Variants in DLGAP5 observed in about 807,000 individuals in gnomAD.
The protein encoded by DLGAP5 is disks large-associated protein 5.
DLGAP5 carries 90 observed loss-of-function variants against 99.6 expected under a neutral mutation model. That is an observed-to-expected ratio of 0.90 (90% CI 0.76 to 1.08). The LOEUF is 1.08. DLGAP5 is among the 50% of genes least tolerant of loss of function. DLGAP5 has a pLI of 0.00. For synonymous variants in DLGAP5, 311 were observed against 321.3 expected (o/e 0.97, Z 0.34); for missense variants, 1,036 against 983.5 (o/e 1.05, Z -0.71).
intron 12 of DLGAP5, among the ~76,000 whole-genome samples, chr14:55,163,968 T>C (rs1302765107): frequency 6.6e-6 from 1 of 152,220 alleles, no homozygotes; most frequent in Non-Finnish European, 1.5e-5. Flanking sequence ...TCTCCGAATC[T>C]GTGCCTTGTC....
In DLGAP5 at chr14:55,179,714, A is replaced by C; in HGVS notation, c.704-15T>G. The C allele has an allele frequency of 6.3e-7, 1 of 1,598,318 alleles. No individual in the cohort carries two copies. On this transcript the variant is annotated splice_polypyrimidine_tract_variant and intron_variant, in intron 6 of 18. Transcript: ENST00000247191. ...TGGTTCGTTTTCTAAAACAACAATA[A>C]AATATTTATTTTACTAGATAGAAAT...
chr14:55,168,752 C>T (rs959779954), intron 12 of DLGAP5, among the ~76,000 whole-genome samples: 6 of 152,114 alleles, frequency 3.9e-5, no homozygotes, highest in African/African-American at 9.7e-5. Flanking sequence ...TAATACAATA[C>T]GGGCACACAA....
intron 9 of DLGAP5, 144 bp downstream of exon 9, chr14:55,175,750 A>C (rs1477849024): frequency 1.4e-6 from 1 of 723,526 alleles, no homozygotes; most frequent in Non-Finnish European, 2.1e-6. Context: ...TCACATCCCC[A>C]AATGATATGG....
chr14:55,162,938 A>G (rs1882499688), intron 13 of DLGAP5, 33 bp downstream of exon 13: 1 of 1,341,384 alleles, frequency 7.5e-7, no homozygotes, highest in Non-Finnish European at 1.0e-6. Context: ...TAACTAAAAA[A>G]AAAAAAATTG....
In DLGAP5 at chr14:55,177,163, T is replaced by C. The variant is rs755280026; in HGVS notation, c.948A>G (p.Pro316=). ...SFAPKDFMFQ[P]LDGLKTYQVT... ...CTTGATAGGTCTTCAGACCATCCAG[T>C]GGCTGAAACATAAAATCCTTAGGTG... The change falls in exon 8 of 19, where the codon CCA becomes CCG. Residue 316 remains proline (P), a synonymous_variant. Transcript: ENST00000247191. The C allele has an allele frequency of 1.2e-6, 2 of 1,612,048 alleles. No homozygotes were observed. The highest frequency in any genetic ancestry group is 8.5e-7 in the Non-Finnish European group (1 of 1,179,282).
chr14:55,157,412 C>T (rs931580299), intron 14 of DLGAP5, among the ~76,000 whole-genome samples: 4 of 152,036 alleles, frequency 2.6e-5, no homozygotes, highest in African/African-American at 9.7e-5. Context: ...AGATTTGATA[C>T]CTAAACTAAC....
intron 3 of DLGAP5, among the ~76,000 whole-genome samples, chr14:55,182,986 C>A: frequency 6.6e-6 from 1 of 152,110 alleles, no homozygotes; most frequent in East Asian, 1.9e-4. Flanking sequence ...CCCACTTAAG[C>A]TTGTTCCTTA....
chr14:55,182,190 G>C (rs967001483), intron 4 of DLGAP5, among the ~76,000 whole-genome samples, 180 bp downstream of exon 4: 3 of 152,128 alleles, frequency 2.0e-5, no homozygotes, highest in African/African-American at 2.4e-5. Flanking sequence ...CGGAATGTTG[G>C]AGCAAATATT....
In DLGAP5 at chr14:55,150,814, G is replaced by A. The variant is rs769411625; in HGVS notation, c.2403C>T (p.Cys801=). 8 of 1,577,300 alleles carry A rather than the reference G, an allele frequency of 5.1e-6. No individual in the cohort carries two copies. The South Asian group carries it at 7.2e-5, about 14-fold the overall frequency. ...LFDNKSLTTE[C]HLLDSPGLNC... ...GAAAACTTACTGAATCAAGAAGGTG[G>A]CATTCAGTAGTGAGACTTTTATTAT... The change falls in exon 18 of 19, where the codon TGC becomes TGT. Residue 801 remains cysteine (C), a synonymous_variant. Coordinates refer to ENST00000247191, the MANE Select transcript of DLGAP5 (RefSeq NM_014750.5).
chr14:55,148,305 T>G lies in DLGAP5; in HGVS notation c.*46A>C. 2 of 1,588,362 alleles carry G rather than the reference T, an allele frequency of 1.3e-6. No homozygotes were observed. The highest frequency in any genetic ancestry group is 1.7e-6 in the Non-Finnish European group (2 of 1,159,498). ...AAATTTCAATAGTCTAAGGAATATA[T>G]AAGCATTGATAATATGAAGGAAAAT... On this transcript the variant is annotated 3_prime_UTR_variant, in exon 19 of 19. Coordinates refer to ENST00000247191, the MANE Select transcript of DLGAP5 (RefSeq NM_014750.5).
intron 6 of DLGAP5, among the ~76,000 whole-genome samples, chr14:55,180,089 A>G (rs1883223590): frequency 6.6e-6 from 1 of 152,102 alleles, no homozygotes; most frequent in African/African-American, 2.4e-5. Context: ...CTTCATGTCA[A>G]TGCTCAGAAT....
chr14:55,179,808 A>AT (rs1442369500), intron 6 of DLGAP5, 109 bp from the exon 7 acceptor site: 46 of 822,720 alleles, frequency 5.6e-5, no homozygotes, highest in African/African-American at 1.4e-4. Flanking sequence ...GTCTTGAAGG[A>AT]TTTTTTTATT....
chr14:55,173,947 G>C (rs763649777), intron 10 of DLGAP5, among the ~76,000 whole-genome samples: 8 of 152,150 alleles, frequency 5.3e-5, no homozygotes, highest in Non-Finnish European at 1.2e-4. Context: ...ATGTGTGTTT[G>C]AGCAATATGA....
At chr14:55,184,481 A>C (rs748863001) in intron 2 of DLGAP5, among the ~76,000 whole-genome samples, 22 of 152,202 alleles carry the variant, frequency 1.4e-4, no homozygotes, top group Non-Finnish European at 2.6e-4. Context: ...GCCAGCATCC[A>C]AGCTGCCCTC....
chr14:55,151,665 G>A (rs534658186), intron 17 of DLGAP5, 30 bp downstream of exon 17: 9 of 1,589,192 alleles, frequency 5.7e-6, no homozygotes, highest in Non-Finnish European at 7.7e-6. Context: ...TTTAATAAAG[G>A]CTCGTTTAAA....
rs560296105 is a variant in DLGAP5, at chr14:55,179,524, G to A, written c.774+105C>T. The A allele has an allele frequency of 8.0e-5, 71 of 891,692 alleles. 1 individual carries two copies. The South Asian group carries it at 1.2e-3, about 15-fold the overall frequency. The allele number at this position is 891,692 out of a possible 1,614,324, so 55.2% of individuals were successfully genotyped here. Reference sequence around the variant, plus strand: ...TGGTTCAGGAAGTTTTAACACACATGTAGGTTAACCTTTTGAAGCAGTTCT... The same window carrying A: ...TGGTTCAGGAAGTTTTAACACACATATAGGTTAACCTTTTGAAGCAGTTCT... On this transcript the variant is annotated intron_variant, in intron 7 of 18. Transcript: ENST00000247191.
chr14:55,175,510 G>T, intron 9 of DLGAP5, 38 bp from the exon 10 acceptor site: 1 of 1,140,456 alleles, frequency 8.8e-7, no homozygotes, highest in African/African-American at 1.6e-5. Flanking sequence ...AAATTTCAAA[G>T]CAACAATTCC....
intron 9 of DLGAP5, 134 bp from the exon 10 acceptor site, chr14:55,175,606 A>G (rs1266685409): frequency 4.4e-6 from 3 of 677,754 alleles, no homozygotes; most frequent in African/African-American, 3.7e-5. Context: ...ATCACTTCAC[A>G]TTTCCTCTAA....
intron 12 of DLGAP5, among the ~76,000 whole-genome samples, chr14:55,168,605 C>A (rs10134983): frequency 6.6e-6 from 1 of 152,024 alleles, no homozygotes; most frequent in Non-Finnish European, 1.5e-5. Context: ...TTCCTAGTAA[C>A]TTCTTCTATC....
Sources: gnomAD v4.1 joint callset for allele counts (sites outside exome capture counted in the v4.1 genomes callset) on GRCh38, gnomAD v4.1.1 for gene constraint, MANE v1.5 for transcripts, NCBI Gene and HGNC (gene_info 2026-07-23, HGNC 2026-07-21) for gene names.